The following BBX variants were observed in gnomAD, a reference collection of about 807,000 sequenced individuals.
The protein encoded by BBX is BBX high mobility group box domain containing.
In BBX, 30 loss-of-function variants were observed where a neutral mutation model predicts 100.2. The ratio of observed to expected loss-of-function variants is 0.30; its 90% CI spans 0.22 to 0.41. The LOEUF (loss-of-function observed/expected upper bound fraction) is 0.41, where lower values mean the gene tolerates loss of function less well. Among genes scored for constraint, BBX ranks in the 10% least tolerant of loss-of-function variants. The probability of loss-of-function intolerance (pLI) is 1.00; values close to 1 mark genes in which losing one functional copy is unlikely to be tolerated. For synonymous variants in BBX, 376 were observed against 388.1 expected, an observed-to-expected ratio of 0.97 and a Z score of 0.37; for missense variants, 1,023 against 1,129.8, an observed-to-expected ratio of 0.91 and a Z score of 1.35.
chr3:107,545,301 T>C (rs777999800), intron 2 of BBX, among the ~76,000 whole-genome samples: 24 of 152,334 alleles, frequency 1.6e-4, no homozygotes, highest in Non-Finnish European at 2.8e-4. Context: ...AAAAGCTAAT[T>C]GTCACATAAT....
chr3:107,605,880 G>T (rs1221572039), intron 2 of BBX, among the ~76,000 whole-genome samples: 2 of 152,038 alleles, frequency 1.3e-5, no homozygotes, highest in Non-Finnish European at 2.9e-5. Flanking sequence ...CTATTTTCTT[G>T]TCCCCAAGCT....
rs1192325152 is a variant in BBX at position 107,773,587 on chromosome 3, C to T, written c.1866C>T (p.Thr622=). 1.9e-6 allele frequency: 3 copies of T among 1,613,672 alleles called. No individual in the cohort carries two copies. ...CTTGCAAAGGTGCTCTTTATAAAAC[C>T]CTGGTGTCTGAGGGCATGCTCACCT... is the stretch of plus-strand genomic sequence containing the variant. ...ERSCKGALYK[T]LVSEGMLTSL... Residue 622 remains threonine, a synonymous_variant, in exon 11 of 18, where the codon ACC becomes ACT. Coordinates refer to ENST00000325805, the MANE Select transcript of BBX (RefSeq NM_001142568.3). This position sits in a 1 kb window ranked among gnomAD's most constrained non-coding sequence, Gnocchi z 4.1.
intron 2 of BBX, among the ~76,000 whole-genome samples, chr3:107,618,338 G>A (rs753959379): frequency 1.3e-5 from 2 of 151,654 alleles, no homozygotes; most frequent in Non-Finnish European, 2.9e-5. Flanking sequence ...TTCTTTTTTG[G>A]CATCATCTTT....
At chr3:107,539,630 T>A (rs1366971831) in intron 2 of BBX, among the ~76,000 whole-genome samples, 2 of 152,234 alleles carry the variant, frequency 1.3e-5, no homozygotes, top group African/African-American at 2.4e-5. Flanking sequence ...TTTGAGCATG[T>A]GTTCCTTGAT....
At chr3:107,643,295 G>A (rs1370036420) in intron 2 of BBX, among the ~76,000 whole-genome samples, 1 of 152,122 alleles carries the variant, frequency 6.6e-6, no homozygotes, top group Non-Finnish European at 1.5e-5. Flanking sequence ...TTTTTCAGAT[G>A]CCCTGTTTGT....
chr3:107,730,460 C>T (rs2063238781), intron 6 of BBX, among the ~76,000 whole-genome samples: 1 of 150,176 alleles, frequency 6.7e-6, no homozygotes, highest in Non-Finnish European at 1.5e-5. Flanking sequence ...CAGTCTAGAT[C>T]CAGGGTATGT....
chr3:107,687,122 A>G (rs1202242376), intron 3 of BBX, among the ~76,000 whole-genome samples: 1 of 152,220 alleles, frequency 6.6e-6, no homozygotes, highest in Admixed American at 6.5e-5. Flanking sequence ...ATTCTAAGAA[A>G]GCACATCAGA....
At chr3:107,716,247 A>C (rs1206797071) in intron 4 of BBX, among the ~76,000 whole-genome samples, 1 of 152,176 alleles carries the variant, frequency 6.6e-6, no homozygotes, top group Non-Finnish European at 1.5e-5. Context: ...ATTAAGTACT[A>C]ATATTATATC....
chr3:107,796,479 T>C (rs1457180654), intron 15 of BBX, among the ~76,000 whole-genome samples: 1 of 152,182 alleles, frequency 6.6e-6, no homozygotes, highest in Admixed American at 6.5e-5. Flanking sequence ...ATTGGAGAGG[T>C]AAACAAGACT....
intron 3 of BBX, among the ~76,000 whole-genome samples, chr3:107,660,988 C>A (rs936097328): frequency 2.1e-4 from 32 of 152,104 alleles, no homozygotes; most frequent in Non-Finnish European, 2.9e-5. Context: ...GTTTATCTTT[C>A]CAGTCAGCTG....
chr3:107,685,599 C>G (rs2059802579), intron 3 of BBX, among the ~76,000 whole-genome samples: 1 of 152,200 alleles, frequency 6.6e-6, no homozygotes, highest in Non-Finnish European at 1.5e-5. Context: ...AGTAATGGAC[C>G]TTGATTTCCA....
intron 13 of BBX, among the ~76,000 whole-genome samples, chr3:107,782,134 A>G (rs577998078): frequency 6.6e-6 from 1 of 152,126 alleles, no homozygotes; most frequent in African/African-American, 2.4e-5. Flanking sequence ...TATAAAACGT[A>G]TACCTGATAC....
chr3:107,759,792 C>T (rs1412978287), intron 10 of BBX, among the ~76,000 whole-genome samples: 1 of 152,114 alleles, frequency 6.6e-6, no homozygotes, highest in African/African-American at 2.4e-5. Flanking sequence ...AACATGTTAC[C>T]TCCAAGTACA....
chr3:107,704,683 C>T (rs979022435), intron 3 of BBX, among the ~76,000 whole-genome samples: 3 of 152,156 alleles, frequency 2.0e-5, no homozygotes, highest in South Asian at 4.1e-4. Context: ...AATCCAGTCA[C>T]GAGGGCAGAT....
At position 107,643,472 on chromosome 3, in the gene BBX, C is replaced by T. The variant is rs183960521; in HGVS notation, c.-83-2364C>T. On this transcript the variant is annotated intron_variant, in intron 2 of 17. Transcript: ENST00000325805. Reference sequence around the variant, plus strand: ...TGAAAAGGGAAAGACAAGTTCCTAGCGAGGCAGTGGAGCTAATCACCAGGA... The same window carrying T: ...TGAAAAGGGAAAGACAAGTTCCTAGTGAGGCAGTGGAGCTAATCACCAGGA... Among the ~76,000 whole-genome samples the T allele has an allele frequency of 8.6e-5, 13 of 151,954 alleles. No homozygotes were observed. In the East Asian group the frequency reaches 1.6e-3, roughly 18 times the overall value.
At chr3:107,534,908 A>G (rs1210831828) in intron 2 of BBX, among the ~76,000 whole-genome samples, 1 of 152,230 alleles carries the variant, frequency 6.6e-6, no homozygotes, top group Non-Finnish European at 1.5e-5. Flanking sequence ...AGTTTTTAGA[A>G]GTTTCCCAAA....
intron 13 of BBX, among the ~76,000 whole-genome samples, chr3:107,785,833 T>A (rs979571280): frequency 1.3e-5 from 2 of 151,946 alleles, no homozygotes; most frequent in Non-Finnish European, 2.9e-5. Context: ...GCCAGGGCAA[T>A]TAGGTAAGAA....
chr3:107,661,394 A>T (rs2058437190), intron 3 of BBX, among the ~76,000 whole-genome samples: 1 of 152,058 alleles, frequency 6.6e-6, no homozygotes, highest in Non-Finnish European at 1.5e-5. Context: ...AAGTCACATT[A>T]CCTCTCTGAC....
At chr3:107,764,474 T>C (rs1335448946) in intron 10 of BBX, among the ~76,000 whole-genome samples, 1 of 152,216 alleles carries the variant, frequency 6.6e-6, no homozygotes, top group East Asian at 1.9e-4. Context: ...ACAGAATACA[T>C]TTTATGCCCA....
Sources: gnomAD v4.1 joint callset for allele counts (sites outside exome capture counted in the v4.1 genomes callset) on GRCh38, gnomAD v4.1.1 for gene constraint, Gnocchi (gnomAD v3.1) non-coding constraint, MANE v1.5 for transcripts, NCBI Gene and HGNC (gene_info 2026-07-23, HGNC 2026-07-21) for gene names.